Variants in PDZD2 observed in about 807,000 individuals in gnomAD.
The protein encoded by PDZD2 is PDZ domain-containing protein 2.
Under a neutral mutation model 220.7 loss-of-function variants are expected in PDZD2, and 90 were observed. That is an observed-to-expected ratio of 0.41 (90% CI 0.34 to 0.49). The LOEUF (loss-of-function observed/expected upper bound fraction) is 0.49. Among genes scored for constraint, PDZD2 ranks in the 20% least tolerant of loss-of-function variants. The pLI, the probability that PDZD2 is intolerant of heterozygous loss-of-function variation, is 0.28. For synonymous variants in PDZD2, 1,375 were observed against 1,450.5 expected (o/e 0.95, Z 1.18); for missense variants, 3,174 against 3,608.5 (o/e 0.88, Z 3.08).
intron 3 of PDZD2, among the ~76,000 whole-genome samples, chr5:31,991,740 A>C (rs1325347315): frequency 6.6e-6 from 1 of 152,194 alleles, no homozygotes; most frequent in East Asian, 1.9e-4. Context: ...TAAAACTGAC[A>C]ATTGTGGGCC....
At chr5:31,830,343 TTTTTTTGTA>T (rs1327120600) in intron 2 of PDZD2, among the ~76,000 whole-genome samples, 1 of 147,030 alleles carries the variant, frequency 6.8e-6, no homozygotes, top group African/African-American at 2.5e-5. Context: ...TTTTTTTTTT[TTTTTTTGTA>T]TTTTTAGTAG....
In PDZD2 at chr5:32,089,661, T is replaced by G. The variant is rs779937510; in HGVS notation, c.6213T>G (p.Thr2071=). ...VAADTAQPRP[T]GEKGGNIMAS... ...CAGACACAGCCCAACCCAGGCCGAC[T>G]GGCGAAAAAGGAGGCAACATAATGG... is the stretch of plus-strand genomic sequence containing the variant. Residue 2071 remains threonine (T), a synonymous_variant, in exon 20 of 25, where the codon ACT becomes ACG. Coordinates refer to ENST00000438447, the MANE Select transcript of PDZD2 (RefSeq NM_178140.4). 6.2e-7 allele frequency: 1 copy of G among 1,614,080 alleles called. No individual in the cohort carries two copies. Among genetic ancestry groups the G allele is most frequent in the Non-Finnish European group, 8.5e-7 (1 of 1,179,986 alleles).
intron 2 of PDZD2, among the ~76,000 whole-genome samples, chr5:31,904,094 A>G (rs944835778): frequency 2.6e-5 from 4 of 151,124 alleles, no homozygotes; most frequent in South Asian, 2.1e-4. Context: ...ATGTGTTTCA[A>G]TTAGCCAAAA....
intron 3 of PDZD2, among the ~76,000 whole-genome samples, chr5:31,990,479 C>T (rs556559382): frequency 1.4e-4 from 21 of 152,288 alleles, no homozygotes; most frequent in Admixed American, 2.0e-4. Flanking sequence ...AAAACAAATG[C>T]CCAAACCATC....
chr5:32,002,067 C>A (rs1402970390), intron 5 of PDZD2, among the ~76,000 whole-genome samples: 2 of 152,176 alleles, frequency 1.3e-5, no homozygotes, highest in Non-Finnish European at 2.9e-5. Context: ...TATTTTCCCC[C>A]TTGAATTGCA....
chr5:32,022,364 A>ATT lies in PDZD2; in HGVS notation c.1407+11896_1407+11897dup, dbSNP rs59655326. ...AGGCGCACACCGCCACTCACAGCTA[A>ATT]TTTTTTTTTTTTTTTGTATTTTAGT... On this transcript the variant is annotated intron_variant, in intron 6 of 24. Coordinates refer to ENST00000438447, the MANE Select transcript of PDZD2 (RefSeq NM_178140.4). Among the ~76,000 whole-genome samples, 1,251 of 137,378 alleles carry ATT rather than the reference A, an allele frequency of 9.1e-3. 20 individuals are homozygous for ATT. The highest frequency in any genetic ancestry group is 0.028 in the African/African-American group (1,022 of 36,726). 90.1% of individuals were successfully genotyped at this position (137,378 alleles called of 152,430 possible).
chr5:31,655,600 G>A (rs1745518745), intron 1 of PDZD2, among the ~76,000 whole-genome samples: 5 of 151,430 alleles, frequency 3.3e-5, no homozygotes, highest in Admixed American at 2.6e-4. Context: ...GTTCATTGAT[G>A]TATCATCAAC....
At chr5:32,051,983 A>G (rs938147176) in intron 8 of PDZD2, among the ~76,000 whole-genome samples, 3 of 152,226 alleles carry the variant, frequency 2.0e-5, no homozygotes, top group African/African-American at 7.2e-5. Context: ...ACAGGTGGTC[A>G]TCCTGTATCA....
rs550576977 is a variant in PDZD2, at chr5:31,646,916, A to C, written c.-361+7479A>C. Among the ~76,000 whole-genome samples, 28 of 152,318 alleles carry C rather than the reference A, an allele frequency of 1.8e-4. No individual in the cohort carries two copies. Among genetic ancestry groups the C allele is most frequent in the African/African-American group, 6.7e-4 (28 of 41,570 alleles). On this transcript the variant is annotated intron_variant, in intron 1 of 24. Transcript: ENST00000438447. This position sits in a 1 kb window ranked among gnomAD's most constrained non-coding sequence, Gnocchi z 4.7. ...TCAGCGTGGATTCCCAAGAGAGAGCAGGCAGTGAGATGGCACAAGGAGAGG... is the reference window on the plus strand; with the variant it reads ...TCAGCGTGGATTCCCAAGAGAGAGCCGGCAGTGAGATGGCACAAGGAGAGG...
At chr5:31,807,259 A>AG (rs1754788151) in intron 2 of PDZD2, among the ~76,000 whole-genome samples, 1 of 152,100 alleles carries the variant, frequency 6.6e-6, no homozygotes, top group Non-Finnish European at 1.5e-5. Context: ...AATAAACGTG[A>AG]GCAGAGCACA....
In PDZD2 at chr5:32,108,625, G is replaced by C. The variant is rs73061788; in HGVS notation, c.*490G>C. The stretch of plus-strand genomic sequence containing the variant: ...TGCTTTTAGGCACATTCAATGGAAG[G>C]AGGAGATGTAGGTCTGTATATGTTA... On this transcript the variant is annotated 3_prime_UTR_variant, in exon 25 of 25. Transcript: ENST00000438447. 1 of 152,870 alleles carries C rather than the reference G, an allele frequency of 6.5e-6. No homozygotes were observed. The highest frequency in any genetic ancestry group is 1.5e-5 in the Non-Finnish European group (1 of 68,220). 9.5% of individuals were successfully genotyped at this position (152,870 alleles called of 1,614,324 possible).
intron 2 of PDZD2, among the ~76,000 whole-genome samples, chr5:31,922,476 A>T (rs964219966): frequency 1.3e-5 from 2 of 151,974 alleles, no homozygotes; most frequent in Admixed American, 6.6e-5. Flanking sequence ...TTTTAAGAGG[A>T]ATTATTTTGA....
intron 2 of PDZD2, among the ~76,000 whole-genome samples, chr5:31,931,569 C>CTGG (rs1283454959): frequency 6.6e-6 from 1 of 152,064 alleles, no homozygotes; most frequent in African/African-American, 2.4e-5. Flanking sequence ...GATTGAGGAG[C>CTGG]TGGTGGCTCT....
At chr5:31,856,908 C>CTATATATATATATA (rs61675053) in intron 2 of PDZD2, among the ~76,000 whole-genome samples, 55 of 140,648 alleles carry the variant, frequency 3.9e-4, no homozygotes, top group African/African-American at 1.4e-3. Context: ...CTTATCAAAA[C>CTATATATATATATA]TATATATATA....
chr5:32,038,976 G>A (rs1255526450), intron 7 of PDZD2, among the ~76,000 whole-genome samples: 3 of 152,178 alleles, frequency 2.0e-5, no homozygotes, highest in African/African-American at 4.8e-5. Flanking sequence ...AAACATTCAC[G>A]TCCCCTTCCG....
intron 17 of PDZD2, among the ~76,000 whole-genome samples, chr5:32,073,142 G>C (rs1448216265): frequency 6.6e-6 from 1 of 151,970 alleles, no homozygotes; most frequent in Non-Finnish European, 1.5e-5. Flanking sequence ...TCTAACATCT[G>C]AAGAAGAAAA....
At chr5:32,045,920 T>C (rs1336406126) in intron 7 of PDZD2, among the ~76,000 whole-genome samples, 1 of 152,138 alleles carries the variant, frequency 6.6e-6, no homozygotes, top group Non-Finnish European at 1.5e-5. Context: ...TTTAAAACAA[T>C]AATCTTGTTT....
chr5:31,892,058 G>A (rs1247004356), intron 2 of PDZD2, among the ~76,000 whole-genome samples: 1 of 151,436 alleles, frequency 6.6e-6, no homozygotes, highest in Non-Finnish European at 1.5e-5. Context: ...CCACAGGTGT[G>A]CACCACCATG....
intron 1 of PDZD2, among the ~76,000 whole-genome samples, chr5:31,649,026 C>T (rs1159695436): frequency 1.3e-5 from 2 of 152,120 alleles, no homozygotes; most frequent in Non-Finnish European, 2.9e-5. Flanking sequence ...CCTCCTGCCC[C>T]CCAACCCAGA....
Sources: gnomAD v4.1 joint callset for allele counts (sites outside exome capture counted in the v4.1 genomes callset) on GRCh38, gnomAD v4.1.1 for gene constraint, Gnocchi (gnomAD v3.1) non-coding constraint, MANE v1.5 for transcripts, NCBI Gene and HGNC (gene_info 2026-07-23, HGNC 2026-07-21) for gene names.